SPSB1: variants seen among roughly 807,000 people sequenced by gnomAD.
SPSB1 encodes the protein splA/ryanodine receptor domain and SOCS box containing 1.
A neutral mutation model predicts 21.2 loss-of-function variants in SPSB1; 8 were observed. The ratio of observed to expected loss-of-function variants is 0.38; its 90% CI spans 0.22 to 0.68. SPSB1 has a LOEUF of 0.68. Ranked by LOEUF, SPSB1 falls within the 30% of genes least tolerant of loss-of-function variation. The pLI, the probability that SPSB1 is intolerant of heterozygous loss-of-function variation, is 0.53. For missense variants in SPSB1, 242 were observed against 377.8 expected, an observed-to-expected ratio of 0.64 and a Z score of 2.98; for synonymous variants, 169 against 161.7, an observed-to-expected ratio of 1.05 and a Z score of -0.34.
At chr1:9,338,752 C>T (rs1006297761) in intron 1 of SPSB1, among the ~76,000 whole-genome samples, 3 of 152,172 alleles carry the variant, frequency 2.0e-5, no homozygotes, top group Admixed American at 6.5e-5. Context: ...CATATGACTT[C>T]GTGGCTGTGA....
At chr1:9,355,281 C>T (rs1197165595) in intron 1 of SPSB1, among the ~76,000 whole-genome samples, 1 of 152,224 alleles carries the variant, frequency 6.6e-6, no homozygotes, top group Non-Finnish European at 1.5e-5. Context: ...GGATTGGCAT[C>T]CTCAGCAGCC....
chr1:9,354,641 C>A (rs556710583), intron 1 of SPSB1, among the ~76,000 whole-genome samples: 2 of 151,964 alleles, frequency 1.3e-5, no homozygotes, highest in African/African-American at 4.8e-5. Flanking sequence ...GGTGAAACCC[C>A]GTCTCTACTA....
At chr1:9,349,457 C>G (rs1444245254) in intron 1 of SPSB1, among the ~76,000 whole-genome samples, 1 of 152,254 alleles carries the variant, frequency 6.6e-6, no homozygotes, top group Non-Finnish European at 1.5e-5. Flanking sequence ...TGAGCTCAAC[C>G]AGAGAGGCCA....
At chr1:9,300,796 C>G (rs1399232093) in intron 1 of SPSB1, among the ~76,000 whole-genome samples, 1 of 152,186 alleles carries the variant, frequency 6.6e-6, no homozygotes, top group Non-Finnish European at 1.5e-5. Flanking sequence ...GGAAGTGGTC[C>G]AAAGGCCCAT....
chr1:9,310,390 A>T (rs1639497467), intron 1 of SPSB1, among the ~76,000 whole-genome samples: 1 of 152,196 alleles, frequency 6.6e-6, no homozygotes, highest in Admixed American at 6.5e-5. Context: ...GAGCTCCTGG[A>T]TAGATCAAGA....
rs1042400963 is a variant in SPSB1 at position 9,348,432 on chromosome 1, G to A, written c.-149-7311G>A. On this transcript the variant is annotated intron_variant, in intron 1 of 2. Transcript: ENST00000328089. This position sits in a 1 kb window ranked among gnomAD's most constrained non-coding sequence, Gnocchi z 4.8. ...TCCAGGCTCCCTCAGCCTTCAGAGA[G>A]AATGGCTGCCCTAGATCATTAAAGG... 6.6e-6 allele frequency among the ~76,000 whole-genome samples: 1 copy of A among 152,028 alleles called. No homozygotes were observed. Among genetic ancestry groups the A allele is most frequent in the African/African-American group, 2.4e-5 (1 of 41,386 alleles).
chr1:9,313,757 G>GC (rs1360494703), intron 1 of SPSB1, among the ~76,000 whole-genome samples: 2 of 152,244 alleles, frequency 1.3e-5, no homozygotes, highest in African/African-American at 2.4e-5. Context: ...AGTCCAGCCT[G>GC]CCCGCTGTGC....
intron 2 of SPSB1, among the ~76,000 whole-genome samples, chr1:9,360,752 G>A (rs547540056): frequency 2.0e-5 from 3 of 152,340 alleles, no homozygotes; most frequent in East Asian, 1.9e-4. Context: ...AATCCACTAT[G>A]CCCTCGTCAT....
chr1:9,329,292 G>A (rs1156501228), intron 1 of SPSB1, among the ~76,000 whole-genome samples: 4 of 152,110 alleles, frequency 2.6e-5, no homozygotes, highest in Non-Finnish European at 5.9e-5. Flanking sequence ...ATGGGTGGAT[G>A]GGTGGACAGG....
chr1:9,315,883 A>G (rs768645858), intron 1 of SPSB1, among the ~76,000 whole-genome samples: 34 of 152,258 alleles, frequency 2.2e-4, no homozygotes, highest in Non-Finnish European at 4.3e-4. Flanking sequence ...AAACAAAACA[A>G]AACAAAACAT....
intron 1 of SPSB1, among the ~76,000 whole-genome samples, chr1:9,319,678 C>A (rs1293199388): frequency 6.6e-6 from 1 of 152,192 alleles, no homozygotes; most frequent in Non-Finnish European, 1.5e-5. Flanking sequence ...GGAGGCCAAG[C>A]CTGCTCGTCT....
rs370542194 is a variant in SPSB1 at position 9,321,200 on chromosome 1, A to G, written c.-150+28129A>G. Among the ~76,000 whole-genome samples, 13 of 151,758 alleles carry G rather than the reference A, an allele frequency of 8.6e-5. No homozygotes were observed. The highest frequency in any genetic ancestry group is 3.1e-4 in the African/African-American group (13 of 41,360). On this transcript the variant is annotated intron_variant, in intron 1 of 2. Transcript: ENST00000328089. This position sits in a 1 kb window ranked among gnomAD's most constrained non-coding sequence, Gnocchi z 4.8. ...TAAACCTTCTTAGTTTAGTCTGCAG[A>G]GGCGTCTCAGGCGGTGGGCCTTAAA...
intron 1 of SPSB1, among the ~76,000 whole-genome samples, chr1:9,353,697 T>C (rs1569648166): frequency 6.6e-6 from 1 of 151,898 alleles, no homozygotes; most frequent in East Asian, 1.9e-4. Flanking sequence ...GGTGGGTGAA[T>C]CACCTGAGGT....
Position 9,365,693 on chromosome 1 carries a change from G to A in SPSB1, c.695-1755G>A, listed in dbSNP as rs141929420. ...GTTTGGTCTTCAGTAATTGATTTTC[G>A]TATATTTGAGACACATTGGTGAATA... On this transcript the variant is annotated intron_variant, in intron 2 of 2. Transcript: ENST00000328089. 8.5e-3 allele frequency among the ~76,000 whole-genome samples: 1,298 copies of A among 152,254 alleles called. 10 individuals are homozygous for A. The highest frequency in any genetic ancestry group is 0.034 in the Middle Eastern group (10 of 294).
chr1:9,354,010 A>G (rs1640320016), intron 1 of SPSB1, among the ~76,000 whole-genome samples: 1 of 151,932 alleles, frequency 6.6e-6, no homozygotes, highest in Non-Finnish European at 1.5e-5. Flanking sequence ...CGGGGCACCA[A>G]GTGTTCCCGC....
intron 1 of SPSB1, among the ~76,000 whole-genome samples, chr1:9,336,077 A>G (rs771833499): frequency 1.6e-4 from 25 of 152,232 alleles, no homozygotes; most frequent in Non-Finnish European, 3.4e-4. Context: ...GGCTCTCTGC[A>G]GGCTTCCAGG....
At position 9,293,341 on chromosome 1, in the gene SPSB1, G is replaced by A. The variant is rs1639151997; in HGVS notation, c.-150+270G>A. Among the ~76,000 whole-genome samples the A allele has an allele frequency of 6.6e-6, 1 of 150,498 alleles. No homozygotes were observed. The highest frequency in any genetic ancestry group is 1.5e-5 in the Non-Finnish European group (1 of 67,358). ...CCGCGCTGCCGCCGCTGCAGGGCAG[G>A]GGGTCCCGGGGCGAGGCGCGGCGGG... On this transcript the variant is annotated intron_variant, in intron 1 of 2. Transcript: ENST00000328089. The surrounding 1 kb of genome is among the most constrained non-coding windows in gnomAD (Gnocchi z 5.1).
At chr1:9,343,781 G>GGTTTTTT (rs1181983734) in intron 1 of SPSB1, among the ~76,000 whole-genome samples, 1 of 149,742 alleles carries the variant, frequency 6.7e-6, no homozygotes, top group Non-Finnish European at 1.5e-5. Flanking sequence ...CCCATTAGCA[G>GGTTTTTT]GTTTTTTGTT....
intron 1 of SPSB1, among the ~76,000 whole-genome samples, chr1:9,330,980 A>G (rs188935120): frequency 6.6e-6 from 1 of 151,974 alleles, no homozygotes; most frequent in Admixed American, 6.5e-5. Context: ...TCTTTTATTG[A>G]AGGATGATAT....
Sources: allele counts gnomAD v4.1 joint callset (sites outside exome capture counted in the v4.1 genomes callset), GRCh38; gene constraint gnomAD v4.1.1; non-coding constraint Gnocchi (gnomAD v3.1); transcripts MANE v1.5; gene names NCBI Gene and HGNC (gene_info 2026-07-23, HGNC 2026-07-21).